ANKS1B: variants seen among roughly 807,000 people sequenced by gnomAD.
ANKS1B encodes the protein ankyrin repeat and sterile alpha motif domain containing 1B.
In ANKS1B, 36 loss-of-function variants were observed where a neutral mutation model predicts 148.3. The ratio of observed to expected loss-of-function variants is 0.24; its 90% CI spans 0.19 to 0.32. The LOEUF is 0.32. ANKS1B is among the 10% of genes least tolerant of loss of function. The pLI, the probability that ANKS1B is intolerant of heterozygous loss-of-function variation, is 1.00. For synonymous variants in ANKS1B, 542 were observed against 560.8 expected, an observed-to-expected ratio of 0.97 and a Z score of 0.47; for missense variants, 1,157 against 1,542.6, an observed-to-expected ratio of 0.75 and a Z score of 4.19.
At chr12:99,569,483 A>T (rs1243817283) in intron 9 of ANKS1B, among the ~76,000 whole-genome samples, 1 of 152,256 alleles carries the variant, frequency 6.6e-6, no homozygotes, top group Non-Finnish European at 1.5e-5. Flanking sequence ...TACCCGGCAC[A>T]TAAAAGCACT....
At chr12:99,074,327 C>A (rs2047155231) in intron 16 of ANKS1B, among the ~76,000 whole-genome samples, 1 of 144,750 alleles carries the variant, frequency 6.9e-6, no homozygotes, top group Admixed American at 6.8e-5. Context: ...AAGATAAATT[C>A]TTAAAAAAAA....
chr12:99,855,702 T>C (rs966916175), intron 1 of ANKS1B, among the ~76,000 whole-genome samples: 4 of 152,090 alleles, frequency 2.6e-5, no homozygotes, highest in African/African-American at 4.8e-5. Flanking sequence ...ACTGAAATTA[T>C]AGCAAGTACT....
chr12:99,917,170 G>T (rs1344588221), intron 1 of ANKS1B, among the ~76,000 whole-genome samples: 1 of 152,184 alleles, frequency 6.6e-6, no homozygotes, highest in African/African-American at 2.4e-5. Context: ...TTGATCAGAT[G>T]CCTGGAAGAA....
chr12:99,291,958 AGAAAGCT>A (rs769751727), intron 12 of ANKS1B, among the ~76,000 whole-genome samples: 1 of 152,238 alleles, frequency 6.6e-6, no homozygotes, highest in Non-Finnish European at 1.5e-5. Flanking sequence ...AGGCATATGT[AGAAAGCT>A]GAAACTGGAT....
intron 9 of ANKS1B, among the ~76,000 whole-genome samples, chr12:99,590,511 A>G (rs934979853): frequency 2.2e-4 from 33 of 152,190 alleles, no homozygotes; most frequent in African/African-American, 7.7e-4. Flanking sequence ...CATCTACCAC[A>G]GCGTACAGGA....
At chr12:99,196,059 A>G in intron 14 of ANKS1B, among the ~76,000 whole-genome samples, 1 of 152,188 alleles carries the variant, frequency 6.6e-6, no homozygotes, top group Admixed American at 6.5e-5. Context: ...AATAAATGCC[A>G]AATCATGTTG....
At chr12:98,898,069 G>A (rs1349564701) in intron 17 of ANKS1B, among the ~76,000 whole-genome samples, 3 of 152,176 alleles carry the variant, frequency 2.0e-5, no homozygotes, top group Non-Finnish European at 2.9e-5. Context: ...AGGGAGGATG[G>A]GAGGGGACTG....
At chr12:98,894,984 T>C (rs868855245) in intron 17 of ANKS1B, 15 of 780,132 alleles carry the variant, frequency 1.9e-5, no homozygotes, top group Non-Finnish European at 2.3e-5. Flanking sequence ...GCGCCTGCCC[T>C]GGCGGCAGCG....
intron 1 of ANKS1B, among the ~76,000 whole-genome samples, chr12:99,956,882 A>C (rs917181288): frequency 4.6e-5 from 7 of 152,212 alleles, no homozygotes; most frequent in Non-Finnish European, 8.8e-5. Context: ...ACCTGGTTAG[A>C]CTGACTTTTC....
At chr12:99,542,164 A>G (rs965391729) in intron 9 of ANKS1B, among the ~76,000 whole-genome samples, 1 of 152,208 alleles carries the variant, frequency 6.6e-6, no homozygotes, top group Non-Finnish European at 1.5e-5. Context: ...ATGTAGAACA[A>G]TCCTAAAGAA....
At chr12:99,407,310 AT>A (rs2094554781) in intron 11 of ANKS1B, among the ~76,000 whole-genome samples, 1 of 146,128 alleles carries the variant, frequency 6.8e-6, no homozygotes, top group African/African-American at 2.6e-5. Context: ...CTGAAAAAGA[AT>A]TTGATAAAAT....
chr12:99,448,807 T>A (rs1471963994), intron 10 of ANKS1B, among the ~76,000 whole-genome samples: 1 of 151,990 alleles, frequency 6.6e-6, no homozygotes, highest in Non-Finnish European at 1.5e-5. Context: ...ACTAAAAGGA[T>A]AGAGCTGCCA....
intron 12 of ANKS1B, among the ~76,000 whole-genome samples, chr12:99,338,214 T>G (rs1456335033): frequency 3.9e-5 from 6 of 152,180 alleles, no homozygotes; most frequent in Non-Finnish European, 7.3e-5. Flanking sequence ...ACTATTCTAC[T>G]GCAGCTGAAC....
intron 17 of ANKS1B, among the ~76,000 whole-genome samples, chr12:98,869,169 T>C (rs7965913): frequency 0.17 from 25,278 of 152,102 alleles, 3,567 homozygotes; most frequent in African/African-American, 0.38. Flanking sequence ...ATAAGCTCCA[T>C]GAGGAAGGAA....
chr12:99,091,185 A>T (rs2053862433), intron 15 of ANKS1B, among the ~76,000 whole-genome samples: 1 of 152,166 alleles, frequency 6.6e-6, no homozygotes, highest in Admixed American at 6.5e-5. Flanking sequence ...ATTTTAATAA[A>T]TTATATCTTA....
intron 14 of ANKS1B, among the ~76,000 whole-genome samples, chr12:99,184,887 C>T (rs1427803446): frequency 6.6e-6 from 1 of 152,134 alleles, no homozygotes; most frequent in Non-Finnish European, 1.5e-5. Flanking sequence ...CACAAGATTG[C>T]TCTGGTTAAA....
At chr12:98,964,644 T>C (rs1012688319) in intron 17 of ANKS1B, among the ~76,000 whole-genome samples, 2 of 152,222 alleles carry the variant, frequency 1.3e-5, no homozygotes, top group African/African-American at 4.8e-5. Flanking sequence ...TTAGCTCTTG[T>C]CATTGTCAAC....
At chr12:99,878,257 G>A (rs1012688710) in intron 1 of ANKS1B, among the ~76,000 whole-genome samples, 2 of 152,160 alleles carry the variant, frequency 1.3e-5, no homozygotes, top group African/African-American at 4.8e-5. Context: ...AGAGAAAGGA[G>A]AAGATTCAAC....
intron 12 of ANKS1B, among the ~76,000 whole-genome samples, chr12:99,398,068 T>C (rs2094300969): frequency 1.3e-5 from 2 of 152,078 alleles, no homozygotes; most frequent in African/African-American, 4.8e-5. Flanking sequence ...CATCACTGGA[T>C]ATGGTAAGGA....
Sources: allele counts gnomAD v4.1 joint callset (sites outside exome capture counted in the v4.1 genomes callset), GRCh38; gene constraint gnomAD v4.1.1; transcripts MANE v1.5; gene names NCBI Gene and HGNC (gene_info 2026-07-23, HGNC 2026-07-21).